Variants in DGKB observed in about 807,000 individuals in gnomAD.
DGKB encodes 90 kDa diacylglycerol kinase.
Under a neutral mutation model 114.3 loss-of-function variants are expected in DGKB, and 67 were observed. That is an observed-to-expected ratio of 0.59 (90% CI 0.48 to 0.72). DGKB has a LOEUF of 0.72. Among genes scored for constraint, DGKB ranks in the 30% least tolerant of loss-of-function variants. The pLI, the probability that DGKB is intolerant of heterozygous loss-of-function variation, is 0.00. For synonymous variants in DGKB, 398 were observed against 323.1 expected (o/e 1.23, Z -2.49); for missense variants, 907 against 975.2 (o/e 0.93, Z 0.93).
chr7:14,900,558 GACTACA>G (rs1562852860), intron 1 of DGKB, among the ~76,000 whole-genome samples: 4 of 152,046 alleles, frequency 2.6e-5, no homozygotes, highest in Admixed American at 2.6e-4. Flanking sequence ...TGGCTTGTCT[GACTACA>G]ACTCTCCGTT....
chr7:14,333,300 A>G (rs925826418), intron 23 of DGKB, among the ~76,000 whole-genome samples: 2 of 151,858 alleles, frequency 1.3e-5, no homozygotes, highest in African/African-American at 4.8e-5. Flanking sequence ...TACTAAAAAT[A>G]CAAAAACAAA....
chr7:14,585,087 A>G (rs1800537287), intron 17 of DGKB, among the ~76,000 whole-genome samples: 1 of 152,180 alleles, frequency 6.6e-6, no homozygotes. Flanking sequence ...AAATATGTAT[A>G]AAAATTACTA....
At chr7:14,290,963 G>GAA in intron 23 of DGKB, among the ~76,000 whole-genome samples, 1 of 151,646 alleles carries the variant, frequency 6.6e-6, no homozygotes, top group Non-Finnish European at 1.5e-5. Flanking sequence ...CCAACCTGGT[G>GAA]AAACCCCATC....
chr7:14,223,127 C>A (rs1159935412), intron 23 of DGKB, among the ~76,000 whole-genome samples: 3 of 151,688 alleles, frequency 2.0e-5, no homozygotes, highest in Non-Finnish European at 3.0e-5. Context: ...AATCCATTCA[C>A]ACTTACTACC....
chr7:14,337,061 A>G (rs1281274066), intron 23 of DGKB, among the ~76,000 whole-genome samples: 3 of 152,200 alleles, frequency 2.0e-5, no homozygotes. Context: ...CAGGCTATAC[A>G]ATTACAAAAG....
At chr7:14,176,935 A>C (rs748597998) in intron 24 of DGKB, 36 bp from the exon 25 acceptor site, 1 of 1,611,204 alleles carries the variant, frequency 6.2e-7, no homozygotes, top group South Asian at 1.1e-5. Flanking sequence ...TATTGCAAGG[A>C]AATACTTTAT....
chr7:14,653,173 A>T (rs1462321133), intron 13 of DGKB, among the ~76,000 whole-genome samples: 1 of 149,470 alleles, frequency 6.7e-6, no homozygotes, highest in Non-Finnish European at 1.5e-5. Context: ...CCAAAGGACT[A>T]TAAATCATGC....
chr7:14,703,796 G>A (rs1311211483), intron 6 of DGKB, among the ~76,000 whole-genome samples: 1 of 152,102 alleles, frequency 6.6e-6, no homozygotes, highest in African/African-American at 2.4e-5. Context: ...GATTCTGCAT[G>A]CTCCTAAATA....
chr7:14,504,195 A>C (rs1244815650), intron 20 of DGKB, among the ~76,000 whole-genome samples: 18 of 152,192 alleles, frequency 1.2e-4, no homozygotes, highest in Admixed American at 1.2e-3. Context: ...TTAAATCTTT[A>C]TGCAGATTCT....
intron 1 of DGKB, among the ~76,000 whole-genome samples, chr7:14,865,626 T>C (rs752677292): frequency 6.6e-6 from 1 of 152,222 alleles, no homozygotes; most frequent in African/African-American, 2.4e-5. Flanking sequence ...TCCTGTATCT[T>C]GGCTGAACTT....
chr7:14,477,727 T>C (rs1782395137), intron 21 of DGKB, among the ~76,000 whole-genome samples: 1 of 152,160 alleles, frequency 6.6e-6, no homozygotes, highest in Non-Finnish European at 1.5e-5. Flanking sequence ...ATAATTTCTT[T>C]TGATTTAGTT....
At chr7:14,586,841 T>G (rs1450779057) in intron 17 of DGKB, among the ~76,000 whole-genome samples, 1 of 144,156 alleles carries the variant, frequency 6.9e-6, no homozygotes, top group Non-Finnish European at 1.5e-5. Flanking sequence ...AGTCCACGAC[T>G]GAGACATATT....
chr7:14,850,371 G>A (rs945412448), intron 1 of DGKB, among the ~76,000 whole-genome samples: 2 of 152,020 alleles, frequency 1.3e-5, no homozygotes, highest in African/African-American at 2.4e-5. Flanking sequence ...TACTGGAATC[G>A]ATTTTAAAGT....
At chr7:14,698,303 C>G in intron 7 of DGKB, 134 bp from the exon 8 acceptor site, 1 of 528,978 alleles carries the variant, frequency 1.9e-6, no homozygotes, top group Non-Finnish European at 3.3e-6. Flanking sequence ...TATATATGTA[C>G]ATAATCCTTT....
At chr7:14,660,513 G>A (rs908383339) in intron 13 of DGKB, among the ~76,000 whole-genome samples, 8 of 152,178 alleles carry the variant, frequency 5.3e-5, no homozygotes, top group Middle Eastern at 3.4e-3. Context: ...GCGTAGAGGT[G>A]TTTGCAGTAT....
At chr7:14,896,403 C>T (rs1173997810) in intron 1 of DGKB, among the ~76,000 whole-genome samples, 1 of 151,392 alleles carries the variant, frequency 6.6e-6, no homozygotes, top group African/African-American at 2.4e-5. Context: ...ATATTTGGGG[C>T]ACAACGGTAA....
chr7:14,934,567 C>G (rs36871), intron 1 of DGKB, among the ~76,000 whole-genome samples: 13 of 152,148 alleles, frequency 8.5e-5, no homozygotes, highest in African/African-American at 2.9e-4. Flanking sequence ...AGACAAGCAA[C>G]AAGAAATCAT....
At chr7:14,368,622 T>C (rs1817106802) in intron 21 of DGKB, among the ~76,000 whole-genome samples, 1 of 151,054 alleles carries the variant, frequency 6.6e-6, no homozygotes, top group Admixed American at 6.6e-5. Flanking sequence ...TGTATGTAAA[T>C]ACACAAACAG....
At chr7:14,338,787 A>C in intron 22 of DGKB, 77 bp from the exon 23 acceptor site, 1 of 965,146 alleles carries the variant, frequency 1.0e-6, no homozygotes, top group Non-Finnish European at 1.4e-6. Context: ...TCATTTCCTC[A>C]TCTTTTAATA....
Sources: gnomAD v4.1 joint callset for allele counts (sites outside exome capture counted in the v4.1 genomes callset) on GRCh38, gnomAD v4.1.1 for gene constraint, MANE v1.5 for transcripts, NCBI Gene and HGNC (gene_info 2026-07-23, HGNC 2026-07-21) for gene names.